Variants in NRG4 observed in about 807,000 individuals in gnomAD.
NRG4 encodes neuregulin 4, also known as pro-neuregulin-4, membrane-bound isoform.
Under a neutral mutation model 15.0 loss-of-function variants are expected in NRG4, and 10 were observed. The observed-to-expected ratio is 0.67, with a 90% CI of 0.41 to 1.13. The LOEUF (loss-of-function observed/expected upper bound fraction) is 1.13, where lower values mean the gene tolerates loss of function less well. Among genes scored for constraint, NRG4 ranks in the 50% most tolerant of loss-of-function variants. The probability of loss-of-function intolerance (pLI) is 0.00; values close to 1 mark genes in which losing one functional copy is unlikely to be tolerated. For synonymous variants in NRG4, 41 were observed against 50.1 expected, an observed-to-expected ratio of 0.82 and a Z score of 0.77; for missense variants, 139 against 140.2, an observed-to-expected ratio of 0.99 and a Z score of 0.04.
chr15:75,968,566 G>A (rs892773247), intron 3 of NRG4, among the ~76,000 whole-genome samples: 1 of 144,950 alleles, frequency 6.9e-6, no homozygotes, highest in African/African-American at 2.6e-5. Flanking sequence ...CAGCCTTGGC[G>A]ATAGAGCGAA....
chr15:75,962,071 A>G (rs1443681697), intron 3 of NRG4, 97 bp from the exon 4 acceptor site: 1 of 828,588 alleles, frequency 1.2e-6, no homozygotes, highest in South Asian at 2.1e-5. Flanking sequence ...AAAAAAGGAG[A>G]CTAATTTTCA....
chr15:76,052,992 A>C (rs1001646786), intron 2 of NRG4: 1 of 151,178 alleles, frequency 6.6e-6, no homozygotes, highest in African/African-American at 2.5e-5. Flanking sequence ...GTCTGTTAGA[A>C]AGTAAAAAGA....
At position 76,049,454 on chromosome 15, in the gene NRG4, C is replaced by A. The variant is rs184972192; in HGVS notation, c.-105+2613G>T. On this transcript the variant is annotated intron_variant, in intron 4 of 8. Transcript: ENST00000563910. ...ATCCTCACTCTCAAACCCTCCTAAC[C>A]ACATTCACTCTACACCCAATTCTTC... Among the ~76,000 whole-genome samples, 146 of 150,744 alleles carry A rather than the reference C, an allele frequency of 9.7e-4. 5 individuals carry two copies. In the East Asian group the frequency reaches 0.011, roughly 11 times the overall value.
chr15:75,985,405 T>A (rs8033005), intron 3 of NRG4, among the ~76,000 whole-genome samples: 9,178 of 152,150 alleles, frequency 0.06, 568 homozygotes, highest in African/African-American at 0.17. Flanking sequence ...TTGTGACAAT[T>A]TAAGTGAAGT....
At chr15:75,946,022 T>C (rs2031481608) in intron 5 of NRG4, among the ~76,000 whole-genome samples, 2 of 152,190 alleles carry the variant, frequency 1.3e-5, no homozygotes, top group Admixed American at 1.3e-4. Flanking sequence ...AAATAAGGGT[T>C]ATTTGAACAC....
downstream of NRG4, chr15:75,937,072 A>G (rs1408590561): frequency 6.6e-6 from 1 of 152,108 alleles, no homozygotes; most frequent in Admixed American, 6.6e-5. Flanking sequence ...CTAAAATTTA[A>G]TCACTATACT....
intron 2 of NRG4, among the ~76,000 whole-genome samples, chr15:76,055,074 G>GT (rs1232680193): frequency 2.0e-5 from 3 of 152,190 alleles, no homozygotes; most frequent in Non-Finnish European, 4.4e-5. Flanking sequence ...GAAGTCAGGA[G>GT]TTGGAGACCA....
At chr15:75,954,288 C>A in intron 5 of NRG4, among the ~76,000 whole-genome samples, 1 of 149,092 alleles carries the variant, frequency 6.7e-6, no homozygotes, top group Non-Finnish European at 1.5e-5. Flanking sequence ...TGATCTCAGA[C>A]ACTAGTTTTC....
chr15:75,950,603 T>C, intron 5 of NRG4: 1 of 243,120 alleles, frequency 4.1e-6, no homozygotes, highest in South Asian at 7.4e-5. Context: ...GAACTGGATA[T>C]CAGATGTGTC....
At chr15:75,982,119 T>C (rs1229282683) in intron 3 of NRG4, among the ~76,000 whole-genome samples, 1 of 152,130 alleles carries the variant, frequency 6.6e-6, no homozygotes, top group East Asian at 1.9e-4. Flanking sequence ...ATTCTAAAAC[T>C]TAGAAAAGGA....
chr15:75,947,377 G>A (rs2031591703), intron 5 of NRG4, among the ~76,000 whole-genome samples: 1 of 152,176 alleles, frequency 6.6e-6, no homozygotes, highest in Non-Finnish European at 1.5e-5. Context: ...CAGAAAGGGA[G>A]TCTCCCTAGT....
chr15:76,018,596 G>A (rs563247680), intron 5 of NRG4, among the ~76,000 whole-genome samples: 1 of 152,160 alleles, frequency 6.6e-6, no homozygotes, highest in Non-Finnish European at 1.5e-5. Flanking sequence ...TCTGCTGCAG[G>A]TCTGCTGGAG....
At chr15:75,990,590 T>TATA (rs1179801487) in intron 3 of NRG4, among the ~76,000 whole-genome samples, 1 of 152,090 alleles carries the variant, frequency 6.6e-6, no homozygotes, top group African/African-American at 2.4e-5. Context: ...AAGCCTCTAT[T>TATA]ATAATTCTTC....
intron 3 of NRG4, among the ~76,000 whole-genome samples, chr15:75,989,600 T>C (rs1372715783): frequency 6.6e-6 from 1 of 152,208 alleles, no homozygotes; most frequent in East Asian, 1.9e-4. Context: ...GTTAAGCCCA[T>C]CCACTCAACT....
At chr15:75,991,897 G>A (rs8036952) in intron 3 of NRG4, among the ~76,000 whole-genome samples, 14,292 of 152,026 alleles carry the variant, frequency 0.094, 1,662 homozygotes, top group African/African-American at 0.28. Context: ...ATGTTTGTAT[G>A]TTGGTCTACC....
intron 4 of NRG4, among the ~76,000 whole-genome samples, chr15:76,038,522 T>G (rs2035650644): frequency 6.6e-6 from 1 of 152,232 alleles, no homozygotes; most frequent in Non-Finnish European, 1.5e-5. Flanking sequence ...GTGAGGGTCC[T>G]CTGCCTGTGA....
chr15:75,987,682 G>A (rs2033847842), intron 3 of NRG4, among the ~76,000 whole-genome samples: 1 of 152,164 alleles, frequency 6.6e-6, no homozygotes, highest in African/African-American at 2.4e-5. Flanking sequence ...CCAGAAATCG[G>A]AGAAGTTTCT....
intron 5 of NRG4, among the ~76,000 whole-genome samples, chr15:76,022,671 G>A (rs532749376): frequency 2.6e-5 from 4 of 152,152 alleles, no homozygotes; most frequent in East Asian, 3.8e-4. Flanking sequence ...GTAGGAGGGC[G>A]GGATGGTGGG....
downstream of NRG4, chr15:75,938,148 A>G (rs898704920): frequency 6.6e-6 from 1 of 152,238 alleles, no homozygotes; most frequent in Non-Finnish European, 1.5e-5. Context: ...TGCTCCTAGC[A>G]TTCAAGGGAA....
Sources: gnomAD v4.1 joint callset for allele counts (sites outside exome capture counted in the v4.1 genomes callset) on GRCh38, gnomAD v4.1.1 for gene constraint, MANE v1.5 for transcripts, NCBI Gene and HGNC (gene_info 2026-07-23, HGNC 2026-07-21) for gene names.